Variants in RGS7 observed in about 807,000 individuals in gnomAD.
RGS7 encodes the protein regulator of G-protein signaling 7.
Under a neutral mutation model 81.1 loss-of-function variants are expected in RGS7, and 27 were observed. The observed-to-expected ratio is 0.33, with a 90% CI of 0.25 to 0.46. The LOEUF (loss-of-function observed/expected upper bound fraction) is 0.46, where lower values mean the gene tolerates loss of function less well. Among genes scored for constraint, RGS7 ranks in the 20% least tolerant of loss-of-function variants. RGS7 has a pLI of 1.00. For missense variants in RGS7, 396 were observed against 607.4 expected (o/e 0.65, Z 3.66); for synonymous variants, 208 against 207.7 (o/e 1.00, Z -0.01).
intron 2 of RGS7, among the ~76,000 whole-genome samples, chr1:241,145,645 G>A (rs994409660): frequency 6.6e-6 from 1 of 152,170 alleles, no homozygotes; most frequent in Non-Finnish European, 1.5e-5. Flanking sequence ...CTTTGAGGCT[G>A]AGGCACAAGA....
intron 4 of RGS7, among the ~76,000 whole-genome samples, chr1:240,948,421 C>A (rs1235985272): frequency 6.6e-6 from 1 of 152,208 alleles, no homozygotes; most frequent in Admixed American, 6.6e-5. Flanking sequence ...AAAAGACGCA[C>A]ATATTTTTTA....
intron 3 of RGS7, among the ~76,000 whole-genome samples, chr1:241,072,171 A>C (rs2062509827): frequency 6.6e-6 from 1 of 152,094 alleles, no homozygotes; most frequent in South Asian, 2.1e-4. Context: ...TAAAAGCTAC[A>C]TTTTTCATTA....
chr1:241,151,069 G>A (rs1349551546), intron 2 of RGS7, among the ~76,000 whole-genome samples: 1 of 152,100 alleles, frequency 6.6e-6, no homozygotes, highest in South Asian at 2.1e-4. Context: ...CTGTTTGCAC[G>A]GTGTCTGTCA....
intron 4 of RGS7, among the ~76,000 whole-genome samples, chr1:240,938,784 T>C (rs565900090): frequency 9.2e-5 from 14 of 152,210 alleles, no homozygotes; most frequent in Admixed American, 3.9e-4. Context: ...ATGTTGTTTT[T>C]TGTACAGAGG....
At chr1:241,222,335 C>A (rs1193097656) in intron 2 of RGS7, among the ~76,000 whole-genome samples, 5 of 152,190 alleles carry the variant, frequency 3.3e-5, no homozygotes, top group Non-Finnish European at 7.3e-5. Flanking sequence ...TTGGTCTTTA[C>A]CCCGAAATTA....
chr1:241,045,516 A>C (rs2060877358), intron 3 of RGS7, among the ~76,000 whole-genome samples: 2 of 152,124 alleles, frequency 1.3e-5, no homozygotes, highest in Non-Finnish European at 2.9e-5. Context: ...GGTGCCCACA[A>C]CCATGCCAGG....
chr1:241,284,045 G>C (rs966693959), intron 2 of RGS7, among the ~76,000 whole-genome samples: 3 of 152,102 alleles, frequency 2.0e-5, no homozygotes, highest in Middle Eastern at 3.2e-3. Flanking sequence ...TTTGTTTCAA[G>C]TGTGTTTGCA....
intron 2 of RGS7, among the ~76,000 whole-genome samples, chr1:241,126,841 T>C (rs1169145404): frequency 1.3e-5 from 2 of 152,032 alleles, no homozygotes; most frequent in Non-Finnish European, 2.9e-5. Flanking sequence ...GTGACAGCAT[T>C]GCCTAACTAT....
intron 10 of RGS7, among the ~76,000 whole-genome samples, chr1:240,822,336 C>T (rs1691952513): frequency 6.6e-6 from 1 of 152,020 alleles, no homozygotes; most frequent in Admixed American, 6.6e-5. Flanking sequence ...TATTAAAAAA[C>T]AACAACAACA....
At chr1:240,915,505 A>C (rs115465615) in intron 6 of RGS7, among the ~76,000 whole-genome samples, 2 of 152,320 alleles carry the variant, frequency 1.3e-5, no homozygotes, top group African/African-American at 4.8e-5. Context: ...AGAAGTTTCT[A>C]GGAAAACCCA....
intron 4 of RGS7, among the ~76,000 whole-genome samples, chr1:240,978,769 C>T (rs1447737343): frequency 6.6e-6 from 1 of 152,076 alleles, no homozygotes. Flanking sequence ...CTACAATTGC[C>T]AATCAACATT....
intron 10 of RGS7, among the ~76,000 whole-genome samples, chr1:240,819,512 A>C (rs1351609806): frequency 6.6e-6 from 1 of 152,194 alleles, no homozygotes; most frequent in Admixed American, 6.6e-5. Context: ...AGGCTGAGGC[A>C]GGCATATCAT....
intron 6 of RGS7, among the ~76,000 whole-genome samples, chr1:240,917,149 G>C (rs901628955): frequency 2.6e-5 from 4 of 152,130 alleles, no homozygotes; most frequent in Non-Finnish European, 5.9e-5. Flanking sequence ...CTAGAATTCT[G>C]TATCTTGTGG....
intron 9 of RGS7, among the ~76,000 whole-genome samples, chr1:240,865,139 A>G (rs1663001880): frequency 1.3e-5 from 2 of 152,190 alleles, no homozygotes; most frequent in African/African-American, 4.8e-5. Flanking sequence ...TTTCCATTTT[A>G]TAAGTAAGAC....
intron 2 of RGS7, among the ~76,000 whole-genome samples, chr1:241,116,394 C>T (rs187341888): frequency 1.7e-4 from 26 of 152,076 alleles, no homozygotes; most frequent in Non-Finnish European, 3.1e-4. Flanking sequence ...GGAAAAGGTA[C>T]CGTATATAGG....
chr1:240,945,019 C>T (rs1442616226), intron 4 of RGS7, among the ~76,000 whole-genome samples: 1 of 152,186 alleles, frequency 6.6e-6, no homozygotes, highest in Non-Finnish European at 1.5e-5. Context: ...CAAGTCACTT[C>T]CTTTCTTAGA....
At chr1:241,308,478 C>A (rs2080305232) in intron 2 of RGS7, among the ~76,000 whole-genome samples, 1 of 152,180 alleles carries the variant, frequency 6.6e-6, no homozygotes, top group Non-Finnish European at 1.5e-5. Flanking sequence ...CAGCAACAAG[C>A]CTGACAGAGA....
At chr1:241,191,707 C>G (rs2072667073) in intron 2 of RGS7, among the ~76,000 whole-genome samples, 1 of 152,130 alleles carries the variant, frequency 6.6e-6, no homozygotes, top group African/African-American at 2.4e-5. Flanking sequence ...GTTGAATTCT[C>G]TGGTGAAATC....
At chr1:241,350,824 G>A (rs910117005) in intron 2 of RGS7, among the ~76,000 whole-genome samples, 3 of 150,896 alleles carry the variant, frequency 2.0e-5, no homozygotes, top group Non-Finnish European at 2.9e-5. Flanking sequence ...CACCCTCAGC[G>A]TTGACCAGAT....
Sources: allele counts gnomAD v4.1 joint callset (sites outside exome capture counted in the v4.1 genomes callset), GRCh38; gene constraint gnomAD v4.1.1; transcripts MANE v1.5; gene names NCBI Gene and HGNC (gene_info 2026-07-23, HGNC 2026-07-21).